IFNGR2: variants seen among roughly 807,000 people sequenced by gnomAD.
The protein encoded by IFNGR2 is interferon gamma receptor 2, also known as IFN-gamma receptor 2.
A neutral mutation model predicts 41.1 loss-of-function variants in IFNGR2; 15 were observed. The observed-to-expected ratio is 0.37, with a 90% CI of 0.24 to 0.56. The LOEUF is 0.56. IFNGR2 is among the 20% of genes least tolerant of loss of function. The pLI, the probability that IFNGR2 is intolerant of heterozygous loss-of-function variation, is 0.81. For missense variants in IFNGR2, 362 were observed against 415.7 expected (o/e 0.87, Z 1.12); for synonymous variants, 161 against 171.6 (o/e 0.94, Z 0.48).
At chr21:33,422,168 G>A (rs1418882313) in intron 3 of IFNGR2, among the ~76,000 whole-genome samples, 35 of 152,212 alleles carry the variant, frequency 2.3e-4, no homozygotes, top group Non-Finnish European at 2.9e-5. Flanking sequence ...ACCTTGAATG[G>A]TGCCTGGCAT....
chr21:33,419,903 C>T (rs921274625), intron 2 of IFNGR2, among the ~76,000 whole-genome samples: 1 of 152,178 alleles, frequency 6.6e-6, no homozygotes, highest in Non-Finnish European at 1.5e-5. Context: ...GTGCATGTTG[C>T]TCTTGGAGGA....
chr21:33,426,794 C>CATATAT, intron 3 of IFNGR2, 90 bp from the exon 4 acceptor site: 1 of 630,012 alleles, frequency 1.6e-6, no homozygotes, highest in Non-Finnish European at 2.7e-6. Flanking sequence ...TATATATATA[C>CATATAT]ATATATATAT....
intron 6 of IFNGR2, among the ~76,000 whole-genome samples, chr21:33,436,328 CA>C (rs113181168): frequency 5.2e-4 from 70 of 135,576 alleles, no homozygotes; most frequent in African/African-American, 6.5e-4. Flanking sequence ...AACTCCGTCT[CA>C]AAAAAAAAAA....
At chr21:33,433,983 T>TTACC (rs778326744) in intron 6 of IFNGR2, among the ~76,000 whole-genome samples, 5 of 152,146 alleles carry the variant, frequency 3.3e-5, no homozygotes, top group Non-Finnish European at 7.4e-5. Context: ...CACAGGGTGC[T>TTACC]TAGGAGGGCC....
At chr21:33,426,393 A>G (rs928233279) in intron 3 of IFNGR2, among the ~76,000 whole-genome samples, 1 of 151,520 alleles carries the variant, frequency 6.6e-6, no homozygotes, top group African/African-American at 2.4e-5. Context: ...AGCCTGGGTG[A>G]TATGTGCGAG....
chr21:33,435,102 A>G (rs1173018349), intron 6 of IFNGR2, among the ~76,000 whole-genome samples: 1 of 152,230 alleles, frequency 6.6e-6, no homozygotes, highest in Non-Finnish European at 1.5e-5. Context: ...AGTATCTTTC[A>G]GCATTTCCAA....
intron 1 of IFNGR2, among the ~76,000 whole-genome samples, chr21:33,412,979 GT>G (rs1353201271): frequency 6.6e-6 from 1 of 152,176 alleles, no homozygotes; most frequent in Non-Finnish European, 1.5e-5. Flanking sequence ...GAAGAAGCCT[GT>G]GTAGGATCTG....
intron 4 of IFNGR2, among the ~76,000 whole-genome samples, chr21:33,428,968 G>A (rs2083863056): frequency 6.6e-6 from 1 of 152,202 alleles, no homozygotes; most frequent in South Asian, 2.1e-4. Flanking sequence ...CTCAGCTCCA[G>A]GACCCTGGGG....
At chr21:33,421,789 A>C (rs1291942015) in intron 3 of IFNGR2, 104 bp downstream of exon 3, 4 of 916,246 alleles carry the variant, frequency 4.4e-6, no homozygotes, top group Non-Finnish European at 5.4e-6. Flanking sequence ...CTAAATGACC[A>C]GCAGACAAAT....
intron 1 of IFNGR2, chr21:33,411,467 G>A (rs17880118): frequency 4.9e-5 from 23 of 470,998 alleles, no homozygotes; most frequent in South Asian, 1.1e-4. Context: ...GTGAACAGGC[G>A]TGTGGAGGGC....
chr21:33,421,775 C>A, intron 3 of IFNGR2, 90 bp downstream of exon 3: 2 of 1,013,584 alleles, frequency 2.0e-6, no homozygotes, highest in African/African-American at 1.6e-5. Context: ...TCCTGCCTGT[C>A]ACCCTAAATG....
rs1354987474 is a variant in IFNGR2, at chr21:33,412,383, A to G, written c.74-2505A>G. Reference sequence around the variant, plus strand: ...CTTTGTGCTTACATAGGTTTGGGTTATGTGCCTATGTGTGGTATTGCACTA... The same window carrying G: ...CTTTGTGCTTACATAGGTTTGGGTTGTGTGCCTATGTGTGGTATTGCACTA... On this transcript the variant is annotated intron_variant, in intron 1 of 6. Coordinates refer to ENST00000290219, the MANE Select transcript of IFNGR2 (RefSeq NM_005534.4). Among the ~76,000 whole-genome samples, 4 of 152,324 alleles carry G rather than the reference A, an allele frequency of 2.6e-5. No homozygotes were observed. The South Asian group carries it at 8.3e-4, about 32-fold the overall frequency.
chr21:33,432,888 C>CT lies in IFNGR2; in HGVS notation c.879+18dup, dbSNP rs201322939. 21,308 of 1,302,212 alleles carry CT rather than the reference C, an allele frequency of 0.016. 95 individuals are homozygous for CT. Among genetic ancestry groups the CT allele is most frequent in the Non-Finnish European group, 0.018 (17,198 of 948,656 alleles). 80.7% of individuals were successfully genotyped at this position (1,302,212 alleles called of 1,614,324 possible). ...ATAGAAGAGGTACGTGTGCACACAT[C>CT]TCTTTTTTTTTTTTTGAGACAGGGT... On this transcript the variant is annotated intron_variant, in intron 6 of 6. Coordinates refer to ENST00000290219, the MANE Select transcript of IFNGR2 (RefSeq NM_005534.4).
chr21:33,413,744 C>A (rs1454088114), intron 1 of IFNGR2, among the ~76,000 whole-genome samples: 1 of 151,154 alleles, frequency 6.6e-6, no homozygotes, highest in Admixed American at 6.6e-5. Context: ...TTGTTTCTTC[C>A]AGGTCACCCC....
At position 33,437,048 on chromosome 21, in the gene IFNGR2, C is replaced by G; in HGVS notation, c.*86C>G. Reference sequence around the variant, plus strand: ...GAGTTCTGTCTGGACTTTCCAGAGACCAGTATTCCCTTTTGCTGCCTCTAA... The same window carrying G: ...GAGTTCTGTCTGGACTTTCCAGAGAGCAGTATTCCCTTTTGCTGCCTCTAA... On this transcript the variant is annotated 3_prime_UTR_variant, in exon 7 of 7. Coordinates refer to ENST00000290219, the MANE Select transcript of IFNGR2 (RefSeq NM_005534.4). 4 of 1,423,208 alleles carry G rather than the reference C, an allele frequency of 2.8e-6. No homozygotes were observed. The highest frequency in any genetic ancestry group is 3.0e-6 in the Non-Finnish European group (3 of 1,012,980). The allele number at this position is 1,423,208 out of a possible 1,614,324, so 88.2% of individuals were successfully genotyped here. A position where few individuals can be genotyped will look rare whatever the true frequency, so the allele number is the denominator to read the frequency against.
Position 33,436,189 on chromosome 21 carries a change from C to T in IFNGR2, c.880-639C>T, listed in dbSNP as rs566588575. Among the ~76,000 whole-genome samples the T allele has an allele frequency of 1.1e-4, 16 of 149,224 alleles. 1 individual carries two copies. In the South Asian group the frequency reaches 3.2e-3, roughly 30 times the overall value. ...CTGACCAACATGGGAAACCCCGTCT[C>T]TACTTAAAATACAAAATTAGCAGGG... is the stretch of plus-strand genomic sequence containing the variant. On this transcript the variant is annotated intron_variant, in intron 6 of 6. Transcript: ENST00000290219.
At chr21:33,413,879 CTG>C (rs2083734134) in intron 1 of IFNGR2, among the ~76,000 whole-genome samples, 1 of 132,566 alleles carries the variant, frequency 7.5e-6, no homozygotes, top group African/African-American at 2.8e-5. Flanking sequence ...GTCGCCCAGA[CTG>C]GAGTGCAATG....
chr21:33,406,044 A>G (rs2123326401), intron 1 of IFNGR2, among the ~76,000 whole-genome samples: 1 of 151,492 alleles, frequency 6.6e-6, no homozygotes, highest in African/African-American at 2.4e-5. Flanking sequence ...AAACAAAAAC[A>G]AACAAATAAA....
At position 33,427,839 on chromosome 21, in the gene IFNGR2, TTCA is replaced by T. The variant is rs139258193; in HGVS notation, c.561+810_561+812del. Among the ~76,000 whole-genome samples the T allele has an allele frequency of 1.5e-3, 97 of 62,758 alleles. 5 individuals are homozygous for T. The highest frequency in any genetic ancestry group is 2.4e-3 in the African/African-American group (24 of 9,856). 41.2% of individuals were successfully genotyped at this position (62,758 alleles called of 152,430 possible). A position where few individuals can be genotyped will look rare whatever the true frequency, so the allele number is the denominator to read the frequency against. On this transcript the variant is annotated intron_variant, in intron 4 of 6. Coordinates refer to ENST00000290219, the MANE Select transcript of IFNGR2 (RefSeq NM_005534.4). ...CAGAATTTTAGATACTTCATCTCAT[TTCA>T]TCTTTTTTTTTTTTTTTTTTTTGAG...
Sources: gnomAD v4.1 joint callset for allele counts (sites outside exome capture counted in the v4.1 genomes callset) on GRCh38, gnomAD v4.1.1 for gene constraint, MANE v1.5 for transcripts, NCBI Gene and HGNC (gene_info 2026-07-23, HGNC 2026-07-21) for gene names.